NPAS3: variants seen among roughly 807,000 people sequenced by gnomAD.
The protein encoded by NPAS3 is neuronal PAS domain protein 3.
Under a neutral mutation model 73.1 loss-of-function variants are expected in NPAS3, and 14 were observed. The observed-to-expected ratio is 0.19, with a 90% CI of 0.13 to 0.30. The LOEUF (loss-of-function observed/expected upper bound fraction) is 0.30, where lower values mean the gene tolerates loss of function less well. NPAS3 is among the 10% of genes least tolerant of loss of function. The pLI, the probability that NPAS3 is intolerant of heterozygous loss-of-function variation, is 1.00. For synonymous variants in NPAS3, 620 were observed against 541.5 expected (o/e 1.14, Z -2.01); for missense variants, 1,096 against 1,250.0 (o/e 0.88, Z 1.86).
At chr14:33,058,324 G>T (rs182913731) in intron 2 of NPAS3, among the ~76,000 whole-genome samples, 1 of 152,208 alleles carries the variant, frequency 6.6e-6, no homozygotes, top group Admixed American at 6.5e-5. Flanking sequence ...TCTGGTGAAG[G>T]GGTAACTGTT....
At chr14:33,115,678 G>A (rs1005950967) in intron 2 of NPAS3, among the ~76,000 whole-genome samples, 2 of 152,044 alleles carry the variant, frequency 1.3e-5, no homozygotes, top group Admixed American at 6.6e-5. Context: ...TTCAAAAATT[G>A]TTCATTGTTT....
chr14:33,631,003 G>C (rs541836897), intron 5 of NPAS3, among the ~76,000 whole-genome samples: 1 of 152,296 alleles, frequency 6.6e-6, no homozygotes, highest in African/African-American at 2.4e-5. Flanking sequence ...ATGTTTTAGG[G>C]CTCTTATTTA....
At chr14:33,516,397 A>G (rs4982092) in intron 4 of NPAS3, among the ~76,000 whole-genome samples, 45,201 of 152,126 alleles carry the variant, frequency 0.3, 7,632 homozygotes, top group East Asian at 0.45. Context: ...CCACTTGTAA[A>G]TACAAGTTTT....
intron 1 of NPAS3, among the ~76,000 whole-genome samples, chr14:33,039,761 T>A (rs926064643): frequency 6.6e-6 from 1 of 152,212 alleles, no homozygotes; most frequent in Admixed American, 6.5e-5. Context: ...CAAGCTCCTC[T>A]ATTATTAAAC....
chr14:33,679,853 A>C (rs2059882727), intron 6 of NPAS3, among the ~76,000 whole-genome samples: 1 of 152,174 alleles, frequency 6.6e-6, no homozygotes, highest in African/African-American at 2.4e-5. Context: ...AAAAAGATCC[A>C]TTGATTGTAC....
rs1250855197 is a variant in NPAS3 at position 33,055,998 on chromosome 14, T to G, written c.140+4T>G. 8.6e-6 allele frequency: 7 copies of G among 809,452 alleles called. No individual in the cohort carries two copies. Among genetic ancestry groups the G allele is most frequent in the Non-Finnish European group, 1.5e-5 (7 of 468,030 alleles). The allele number at this position is 809,452 out of a possible 1,614,324, so 50.1% of individuals were successfully genotyped here. On this transcript the variant is annotated splice_donor_region_variant and intron_variant, in intron 2 of 11. Coordinates refer to ENST00000356141, the Ensembl canonical transcript of NPAS3. The stretch of plus-strand genomic sequence containing the variant: ...ACTGTGAATCTACCTACCAGAAGTA[T>G]GTTGAAATCTTTGTGAGTCTTCCTT...
rs143785633 is a variant in NPAS3, at chr14:33,745,542, C to T, written c.852+10210C>T. Among the ~76,000 whole-genome samples the T allele has an allele frequency of 2.0e-5, 3 of 152,266 alleles. No homozygotes were observed. In the East Asian group the frequency reaches 5.8e-4, roughly 29 times the overall value. On this transcript the variant is annotated intron_variant, in intron 7 of 11. Coordinates refer to ENST00000356141, the Ensembl canonical transcript of NPAS3. ...AATGAGATGAAGGTAAAGTGCTTACCACAATGCCTGGCCCATAGTGAACAC... is the reference window on the plus strand; with the variant it reads ...AATGAGATGAAGGTAAAGTGCTTACTACAATGCCTGGCCCATAGTGAACAC...
At chr14:33,371,830 T>C (rs1331064526) in intron 4 of NPAS3, among the ~76,000 whole-genome samples, 1 of 152,188 alleles carries the variant, frequency 6.6e-6, no homozygotes, top group Non-Finnish European at 1.5e-5. Context: ...TGCTAAGTTC[T>C]CTTCTTATAT....
intron 2 of NPAS3, among the ~76,000 whole-genome samples, chr14:33,089,543 G>A (rs1002639388): frequency 5.3e-5 from 8 of 152,160 alleles, no homozygotes; most frequent in African/African-American, 1.7e-4. Flanking sequence ...TGAAACTGAC[G>A]GGGAGAGTGG....
chr14:33,224,489 T>G (rs1322288282), intron 3 of NPAS3, among the ~76,000 whole-genome samples: 1 of 152,032 alleles, frequency 6.6e-6, no homozygotes, highest in Non-Finnish European at 1.5e-5. Context: ...CCATAGTATG[T>G]TAGTAAATGT....
intron 2 of NPAS3, among the ~76,000 whole-genome samples, chr14:33,107,129 C>CTTCA (rs147066684): frequency 0.15 from 22,558 of 151,964 alleles, 2,334 homozygotes; most frequent in African/African-American, 0.3. Flanking sequence ...TTCTCTTGAG[C>CTTCA]TGAACTCTCT....
intron 5 of NPAS3, among the ~76,000 whole-genome samples, chr14:33,654,933 A>C (rs2059101461): frequency 6.6e-6 from 1 of 152,188 alleles, no homozygotes; most frequent in Admixed American, 6.5e-5. Context: ...AAATGGGAGA[A>C]AGGAGGAAGG....
rs367628034 is a variant in NPAS3 at position 33,632,443 on chromosome 14, C to A, written c.559-43768C>A. Among the ~76,000 whole-genome samples, 37 of 152,266 alleles carry A rather than the reference C, an allele frequency of 2.4e-4. 1 individual carries two copies. The South Asian group carries it at 6.9e-3, about 28-fold the overall frequency. ...GGAATTAATTAACAGACACTCAGAG[C>A]ACACTGTGTCCAAAAATGCGAATTG... is the stretch of plus-strand genomic sequence containing the variant. On this transcript the variant is annotated intron_variant, in intron 5 of 11. Transcript: ENST00000356141.
At chr14:33,787,747 C>T (rs2063223887) in intron 9 of NPAS3, among the ~76,000 whole-genome samples, 1 of 152,170 alleles carries the variant, frequency 6.6e-6, no homozygotes, top group Admixed American at 6.5e-5. Context: ...AAAACTGTCT[C>T]TTTTGCGAGT....
intron 1 of NPAS3, among the ~76,000 whole-genome samples, chr14:33,055,225 T>G (rs1490037406): frequency 6.6e-6 from 1 of 152,238 alleles, no homozygotes; most frequent in Admixed American, 6.5e-5. Flanking sequence ...GATGAATTTA[T>G]ATGCTTAAGT....
chr14:33,100,595 C>T (rs556768401), intron 2 of NPAS3, among the ~76,000 whole-genome samples: 11 of 152,138 alleles, frequency 7.2e-5, no homozygotes, highest in East Asian at 1.9e-4. Context: ...AATTATACAA[C>T]GCTATTTAAT....
rs557218031 is a variant in NPAS3, at chr14:33,005,450, T to C, written c.51-50455T>C. ...GAGCACAAGTCCCATCACGTCACAGTTTTTCAGCTGCCCAGTACTCAGCTG... is the reference window on the plus strand; with the variant it reads ...GAGCACAAGTCCCATCACGTCACAGCTTTTCAGCTGCCCAGTACTCAGCTG... On this transcript the variant is annotated intron_variant, in intron 1 of 11. Transcript: ENST00000356141. Among the ~76,000 whole-genome samples the C allele has an allele frequency of 1.6e-4, 24 of 152,194 alleles. No individual in the cohort carries two copies. The South Asian group carries it at 4.6e-3, about 29-fold the overall frequency.
At chr14:33,720,033 G>A (rs1417396062) in intron 6 of NPAS3, among the ~76,000 whole-genome samples, 1 of 152,058 alleles carries the variant, frequency 6.6e-6, no homozygotes, top group African/African-American at 2.4e-5. Context: ...AAATCTCATT[G>A]CCAAATATAA....
chr14:33,532,663 T>C lies in NPAS3; in HGVS notation c.469-27458T>C, dbSNP rs148216592. Among the ~76,000 whole-genome samples the C allele has an allele frequency of 3.3e-5, 5 of 152,248 alleles. 1 individual carries two copies. The highest frequency in any genetic ancestry group is 1.2e-4 in the African/African-American group (5 of 41,550). On this transcript the variant is annotated intron_variant, in intron 4 of 11. Transcript: ENST00000356141. ...CAGAAATCTAAGATGAATGAAGTGATTGCATATAAGCTGTAAGTCGCTATT... is the reference window on the plus strand; with the variant it reads ...CAGAAATCTAAGATGAATGAAGTGACTGCATATAAGCTGTAAGTCGCTATT...
Sources: allele counts gnomAD v4.1 joint callset (sites outside exome capture counted in the v4.1 genomes callset), GRCh38; gene constraint gnomAD v4.1.1; transcripts MANE v1.5; gene names NCBI Gene and HGNC (gene_info 2026-07-23, HGNC 2026-07-21).